ICMT: variants seen among roughly 807,000 people sequenced by gnomAD.
The protein encoded by ICMT is isoprenylcysteine carboxyl methyltransferase, also known as protein-S-isoprenylcysteine O-methyltransferase.
A neutral mutation model predicts 32.2 loss-of-function variants in ICMT; 10 were observed. The observed-to-expected ratio is 0.31, with a 90% CI of 0.19 to 0.53. The LOEUF (loss-of-function observed/expected upper bound fraction) is 0.53. Ranked by LOEUF, ICMT falls within the 20% of genes least tolerant of loss-of-function variation. ICMT has a pLI of 0.96. For synonymous variants in ICMT, 183 were observed against 158.2 expected, an observed-to-expected ratio of 1.16 and a Z score of -1.18; for missense variants, 265 against 356.9, an observed-to-expected ratio of 0.74 and a Z score of 2.07.
chr1:6,221,923 C>T lies in ICMT; in HGVS notation c.*3157G>A, dbSNP rs1295729073. The stretch of plus-strand genomic sequence containing the variant: ...CACTTCAGAATCTCCACTTTAAAAC[C>T]TGCAATGGAAAAATAAATCTCTTGA... On this transcript the variant is annotated 3_prime_UTR_variant, in exon 5 of 5. Coordinates refer to ENST00000343813, the MANE Select transcript of ICMT (RefSeq NM_012405.4). 6.6e-6 allele frequency: 1 copy of T among 152,218 alleles called. No homozygotes were observed. Among genetic ancestry groups the T allele is most frequent in the African/African-American group, 2.4e-5 (1 of 41,458 alleles). The allele number at this position is 152,218 out of a possible 1,614,324, so 9.4% of individuals were successfully genotyped here.
Position 6,221,932 on chromosome 1 carries a change from A to G in ICMT, c.*3148T>C, listed in dbSNP as rs532431354. 6.6e-5 allele frequency: 10 copies of G among 152,378 alleles called. No individual in the cohort carries two copies. The East Asian group carries it at 1.9e-3, about 29-fold the overall frequency. The allele number at this position is 152,378 out of a possible 1,614,324, so 9.4% of individuals were successfully genotyped here. A position where few individuals can be genotyped will look rare whatever the true frequency, so the allele number is the denominator to read the frequency against. ...ATCTCCACTTTAAAACCTGCAATGG[A>G]AAAATAAATCTCTTGACAGTTTTTT... On this transcript the variant is annotated 3_prime_UTR_variant, in exon 5 of 5. Coordinates refer to ENST00000343813, the MANE Select transcript of ICMT (RefSeq NM_012405.4).
In ICMT at chr1:6,229,823, C is replaced by CACACACACAT. The variant is rs3221751; in HGVS notation, c.672+2078_672+2079insATGTGTGTGT. Among the ~76,000 whole-genome samples the CACACACACAT allele has an allele frequency of 4.5e-4, 62 of 137,376 alleles. 1 individual carries two copies. Among genetic ancestry groups the CACACACACAT allele is most frequent in the African/African-American group, 1.5e-3 (59 of 39,054 alleles). 90.1% of individuals were successfully genotyped at this position (137,376 alleles called of 152,430 possible). A position where few individuals can be genotyped will look rare whatever the true frequency, so the allele number is the denominator to read the frequency against. On this transcript the variant is annotated intron_variant, in intron 4 of 4. Transcript: ENST00000343813. ...ACACACACACACACACACACACACA[C>CACACACACAT]ATAGAGCAGGTGCAGTGGCTCACAC...
Position 6,235,765 on chromosome 1 carries a change from G to C in ICMT, c.147C>G (p.Ala49=). The C allele has an allele frequency of 7.4e-7, 1 of 1,342,750 alleles. No individual in the cohort carries two copies. The highest frequency in any genetic ancestry group is 1.5e-5 in the South Asian group (1 of 65,744). 83.2% of individuals were successfully genotyped at this position (1,342,750 alleles called of 1,614,324 possible). A position where few individuals can be genotyped will look rare whatever the true frequency, so the allele number is the denominator to read the frequency against. Residue 49 remains alanine, a synonymous_variant, in exon 1 of 5, where the codon GCC becomes GCG. Coordinates refer to ENST00000343813, the MANE Select transcript of ICMT (RefSeq NM_012405.4). ...QGRTGLALYV[A]GLNALLLLLY... is the part of the protein sequence containing the mutation. ...GCAGCAGCAGCAGCGCGTTGAGCCC[G>C]GCCACGTAGAGCGCCAGCCCGGTGC...
chr1:6,231,959 G>A lies in ICMT; in HGVS notation c.615C>T (p.Tyr205=), dbSNP rs150397993. 1.4e-5 allele frequency: 23 copies of A among 1,610,964 alleles called. No homozygotes were observed. Among genetic ancestry groups the A allele is most frequent in the African/African-American group, 9.4e-5 (7 of 74,798 alleles). ...CGTAAGAAGGATGCCGAAACCAAGCGTACACTCCACTGGTCACCAGAGTAT... is the reference window on the plus strand; with the variant it reads ...CGTAAGAAGGATGCCGAAACCAAGCATACACTCCACTGGTCACCAGAGTAT... ...DTHTLVTSGV[Y]AWFRHPSYVG... Residue 205 remains tyrosine, a synonymous_variant, in exon 4 of 5, where the codon TAC becomes TAT. Coordinates refer to ENST00000343813, the MANE Select transcript of ICMT (RefSeq NM_012405.4).
Position 6,224,963 on chromosome 1 carries a change from G to C in ICMT, c.*117C>G. 1 of 943,782 alleles carries C rather than the reference G, an allele frequency of 1.1e-6. No homozygotes were observed. Among genetic ancestry groups the C allele is most frequent in the Non-Finnish European group, 1.6e-6 (1 of 620,102 alleles). 58.5% of individuals were successfully genotyped at this position (943,782 alleles called of 1,614,324 possible). On this transcript the variant is annotated 3_prime_UTR_variant, in exon 5 of 5. Transcript: ENST00000343813. ...CTTGGTCTTGAGTGACATTCCAGAA[G>C]AGTGACTAATGACATAAAACGATTA... is the stretch of plus-strand genomic sequence containing the variant.
chr1:6,226,224 C>T (rs572831206), intron 4 of ICMT, among the ~76,000 whole-genome samples: 1 of 152,072 alleles, frequency 6.6e-6, no homozygotes, highest in Non-Finnish European at 1.5e-5. Context: ...GGCGAATCCC[C>T]GTCTCTACCA....
intron 3 of ICMT, among the ~76,000 whole-genome samples, chr1:6,233,065 A>G (rs1668762458): frequency 6.6e-6 from 1 of 151,800 alleles, no homozygotes; most frequent in Admixed American, 6.6e-5. Flanking sequence ...CATATTGGCC[A>G]GGCTGGTCTC....
At chr1:6,231,734 A>C (rs962183721) in intron 4 of ICMT, among the ~76,000 whole-genome samples, 168 bp downstream of exon 4, 2 of 152,190 alleles carry the variant, frequency 1.3e-5, no homozygotes, top group Admixed American at 6.5e-5. Flanking sequence ...AAACGCGCCA[A>C]GAAGAACATG....
Position 6,222,709 on chromosome 1 carries a change from T to C in ICMT, c.*2371A>G, listed in dbSNP as rs1317783625. 6.6e-6 allele frequency: 1 copy of C among 152,228 alleles called. No individual in the cohort carries two copies. The highest frequency in any genetic ancestry group is 6.5e-5 in the Admixed American group (1 of 15,280). 9.4% of individuals were successfully genotyped at this position (152,228 alleles called of 1,614,324 possible). A position where few individuals can be genotyped will look rare whatever the true frequency, so the allele number is the denominator to read the frequency against. On this transcript the variant is annotated 3_prime_UTR_variant, in exon 5 of 5. Transcript: ENST00000343813. ...GGCATTAAATGCCAACACAGTCAGC[T>C]TACCATCCACAAGGCCAGCAGCTGC...
intron 4 of ICMT, among the ~76,000 whole-genome samples, chr1:6,226,631 A>G (rs1367906629): frequency 2.6e-5 from 4 of 152,172 alleles, no homozygotes; most frequent in Non-Finnish European, 5.9e-5. Context: ...TCTCTTATTG[A>G]GCACTTACTA....
At chr1:6,229,785 C>CACAT (rs1388778291) in intron 4 of ICMT, among the ~76,000 whole-genome samples, 2 of 8,958 alleles carry the variant, frequency 2.2e-4, no homozygotes, top group Non-Finnish European at 1.0e-3. Flanking sequence ...AAAAAAAATA[C>CACAT]ACACACACAC....
At position 6,233,479 on chromosome 1, in the gene ICMT, C is replaced by G; in HGVS notation, c.449G>C (p.Trp150Ser). The change falls in exon 3 of 5, where the codon TGG (tryptophan) becomes TCG (serine). Residue 150 changes from tryptophan (W) to serine (S), a missense_variant. Physicochemically the swap from Trp to Ser is radical, Grantham distance 177 (BLOSUM62 -3). This residue lies in a region of ICMT where 166 missense variants were observed against 264.3 expected (regional missense o/e 0.63). Transcript: ENST00000343813. ...GGGACATAAGGCACACGAACCTGGC[C>G]AAAAGATATTTTCAAGTGTGAACTC... ...WLEFTLENIF[W>S]PELKQITWLS... 6.2e-7 allele frequency: 1 copy of G among 1,613,244 alleles called. No individual in the cohort carries two copies. Among genetic ancestry groups the G allele is most frequent in the Non-Finnish European group, 8.5e-7 (1 of 1,179,704 alleles).
chr1:6,233,466 A>C lies in ICMT; in HGVS notation c.454+8T>G, dbSNP rs1244338557. 3 of 1,612,094 alleles carry C rather than the reference A, an allele frequency of 1.9e-6. No homozygotes were observed. In the South Asian group the frequency reaches 3.3e-5, roughly 18 times the overall value. On this transcript the variant is annotated splice_region_variant and intron_variant, in intron 3 of 4. Coordinates refer to ENST00000343813, the MANE Select transcript of ICMT (RefSeq NM_012405.4). Reference sequence around the variant, plus strand: ...TCCCCTCCAGAGGGGGACATAAGGCACACGAACCTGGCCAAAAGATATTTT... The same window carrying C: ...TCCCCTCCAGAGGGGGACATAAGGCCCACGAACCTGGCCAAAAGATATTTT...
intron 1 of ICMT, 79 bp downstream of exon 1, chr1:6,235,638 G>C (rs1668811436): frequency 1.0e-6 from 1 of 981,852 alleles, no homozygotes; most frequent in South Asian, 4.8e-5. Context: ...GCGGGCCCGG[G>C]GAGAAAGGTG....
Position 6,225,187 on chromosome 1 carries a change from C to T in ICMT, c.748G>A (p.Glu250Lys), listed in dbSNP as rs776614885. The change falls in exon 5 of 5, where the codon GAA becomes AAA. Residue 250 changes from glutamate (E) to lysine (K), a missense_variant. By Grantham distance (56) the Glu-to-Lys change is moderately conservative. This residue lies in a region of ICMT where 166 missense variants were observed against 264.3 expected (regional missense o/e 0.63). Coordinates refer to ENST00000343813, the MANE Select transcript of ICMT (RefSeq NM_012405.4). ...AAGTGAATTAGTGAGATTTCTTCTT[C>T]TTCTGTTCGATCGCGGAAGAATCGC... ...VWRFFRDRTE[E>K]EEISLIHFFG... 1 of 1,614,198 alleles carries T rather than the reference C, an allele frequency of 6.2e-7. No individual in the cohort carries two copies. Among genetic ancestry groups the T allele is most frequent in the East Asian group, 2.2e-5 (1 of 44,890 alleles).
At chr1:6,228,490 G>C (rs1430051064) in intron 4 of ICMT, among the ~76,000 whole-genome samples, 4 of 152,112 alleles carry the variant, frequency 2.6e-5, no homozygotes, top group Admixed American at 6.5e-5. Context: ...CTACAGATGC[G>C]TGCCACCACA....
chr1:6,232,535 T>G (rs1351070681), intron 3 of ICMT, among the ~76,000 whole-genome samples: 1 of 152,166 alleles, frequency 6.6e-6, no homozygotes, highest in Non-Finnish European at 1.5e-5. Flanking sequence ...AATTTCAGAG[T>G]GCATTCCACA....
At chr1:6,231,431 G>A (rs1247122040) in intron 4 of ICMT, among the ~76,000 whole-genome samples, 1 of 152,086 alleles carries the variant, frequency 6.6e-6, no homozygotes, top group Admixed American at 6.5e-5. Context: ...AAAGGGAGAG[G>A]CACAATGGCT....
At chr1:6,231,069 G>A (rs181064012) in intron 4 of ICMT, among the ~76,000 whole-genome samples, 1 of 151,782 alleles carries the variant, frequency 6.6e-6, no homozygotes, top group Admixed American at 6.6e-5. Flanking sequence ...CAGGCATGGT[G>A]GTTCGTGCCT....
Sources: gnomAD v4.1 joint callset for allele counts (sites outside exome capture counted in the v4.1 genomes callset) on GRCh38, gnomAD v4.1.1 for gene constraint, gnomAD v4.1.1 regional missense constraint, MANE v1.5 for transcripts, NCBI Gene and HGNC (gene_info 2026-07-23, HGNC 2026-07-21) for gene names.